Variants in KCND2 observed in about 807,000 individuals in gnomAD.
KCND2 encodes potassium voltage-gated channel subfamily D member 2.
Under a neutral mutation model 54.4 loss-of-function variants are expected in KCND2, and 16 were observed. The observed-to-expected ratio is 0.29, with a 90% confidence interval of 0.20 to 0.45. The LOEUF (loss-of-function observed/expected upper bound fraction) is 0.45, where lower values mean the gene tolerates loss of function less well. Among genes scored for constraint, KCND2 ranks in the 20% least tolerant of loss-of-function variants. The pLI, the probability that KCND2 is intolerant of heterozygous loss-of-function variation, is 1.00. For missense variants in KCND2, 486 were observed against 824.2 expected (o/e 0.59, Z 5.02); for synonymous variants, 317 against 310.7 (o/e 1.02, Z -0.21).
intron 1 of KCND2, among the ~76,000 whole-genome samples, chr7:120,471,612 T>C (rs1014065753): frequency 9.9e-5 from 15 of 152,118 alleles, no homozygotes; most frequent in Non-Finnish European, 1.9e-4. Flanking sequence ...TTGTAGCCTA[T>C]TTAATCTCTC....
At chr7:120,722,676 TAAA>T (rs952960766) in intron 1 of KCND2, among the ~76,000 whole-genome samples, 12 of 152,190 alleles carry the variant, frequency 7.9e-5, no homozygotes, top group African/African-American at 2.9e-4. Context: ...AAATACAACT[TAAA>T]AATGCCATGA....
intron 1 of KCND2, among the ~76,000 whole-genome samples, chr7:120,589,280 G>C (rs1792640799): frequency 6.6e-6 from 1 of 152,100 alleles, no homozygotes. Context: ...CAAATAAATA[G>C]CAGAAGTGAA....
intron 1 of KCND2, among the ~76,000 whole-genome samples, chr7:120,559,627 T>C (rs1792209402): frequency 6.6e-6 from 1 of 152,208 alleles, no homozygotes; most frequent in Non-Finnish European, 1.5e-5. Flanking sequence ...AACAGCAATT[T>C]ATACTCAGGA....
chr7:120,369,482 C>G (rs1800735218), intron 1 of KCND2, among the ~76,000 whole-genome samples: 1 of 152,012 alleles, frequency 6.6e-6, no homozygotes, highest in Non-Finnish European at 1.5e-5. Context: ...TATTAAAGTA[C>G]AGATCTAAAC....
At chr7:120,741,405 G>T in intron 2 of KCND2, 129 bp from the exon 3 acceptor site, 1 of 698,956 alleles carries the variant, frequency 1.4e-6, no homozygotes, top group Non-Finnish European at 2.6e-6. Flanking sequence ...ATTTTCAATA[G>T]TTGCATTTGA....
At chr7:120,700,930 G>A (rs145815724) in intron 1 of KCND2, among the ~76,000 whole-genome samples, 2 of 152,244 alleles carry the variant, frequency 1.3e-5, no homozygotes, top group African/African-American at 4.8e-5. Context: ...AAGGGAAGTA[G>A]ACAGCTGATG....
Position 120,650,733 on chromosome 7 carries a change from C to T in KCND2, c.1116-82170C>T, listed in dbSNP as rs569798038. 8.4e-5 allele frequency among the ~76,000 whole-genome samples: 12 copies of T among 143,438 alleles called. 1 individual carries two copies. Among genetic ancestry groups the T allele is most frequent in the East Asian group, 3.9e-4 (2 of 5,162 alleles). 94.1% of individuals were successfully genotyped at this position (143,438 alleles called of 152,430 possible). A position where few individuals can be genotyped will look rare whatever the true frequency, so the allele number is the denominator to read the frequency against. On this transcript the variant is annotated intron_variant, in intron 1 of 5. Coordinates refer to ENST00000331113, the MANE Select transcript of KCND2 (RefSeq NM_012281.3). ...CAGCTTTTCTGCTCTTTTTGTTCCC[C>T]GTTTTTGTGGTTTTATCTACCTTTG...
chr7:120,537,313 C>A (rs777838485), intron 1 of KCND2, among the ~76,000 whole-genome samples: 12 of 152,146 alleles, frequency 7.9e-5, no homozygotes, highest in Non-Finnish European at 1.2e-4. Context: ...TTAAAATATT[C>A]AGTAAACCAT....
chr7:120,532,882 A>G (rs531360232), intron 1 of KCND2, among the ~76,000 whole-genome samples: 1 of 152,162 alleles, frequency 6.6e-6, no homozygotes, highest in Non-Finnish European at 1.5e-5. Flanking sequence ...ATAAGCCGCT[A>G]TGTAGTCATA....
intron 1 of KCND2, among the ~76,000 whole-genome samples, chr7:120,463,849 T>G (rs939474041): frequency 6.6e-6 from 1 of 151,990 alleles, no homozygotes; most frequent in Non-Finnish European, 1.5e-5. Context: ...ACTGTGCATG[T>G]TTATTATTGA....
chr7:120,460,659 C>T (rs530527456), intron 1 of KCND2, among the ~76,000 whole-genome samples: 3 of 147,744 alleles, frequency 2.0e-5, no homozygotes, highest in East Asian at 2.0e-4. Flanking sequence ...AGGTAAGTTA[C>T]GAAAAGAGAT....
At chr7:120,611,185 AT>A (rs1416045039) in intron 1 of KCND2, among the ~76,000 whole-genome samples, 1 of 152,218 alleles carries the variant, frequency 6.6e-6, no homozygotes, top group African/African-American at 2.4e-5. Context: ...TCTATGCTTT[AT>A]TTAATTAACT....
At chr7:120,673,598 C>T (rs1313107081) in intron 1 of KCND2, among the ~76,000 whole-genome samples, 1 of 152,124 alleles carries the variant, frequency 6.6e-6, no homozygotes, top group Admixed American at 6.5e-5. Flanking sequence ...GTATCAACCT[C>T]CTTGCTGGTT....
At chr7:120,360,634 T>G (rs2116399640) in intron 1 of KCND2, among the ~76,000 whole-genome samples, 1 of 152,192 alleles carries the variant, frequency 6.6e-6, no homozygotes, top group Non-Finnish European at 1.5e-5. Flanking sequence ...CTGATTTAGA[T>G]AATTTGGGAC....
At chr7:120,288,949 T>G (rs1390714986) in intron 1 of KCND2, among the ~76,000 whole-genome samples, 1 of 151,362 alleles carries the variant, frequency 6.6e-6, no homozygotes, top group East Asian at 1.9e-4. Context: ...TAGAGAAGAG[T>G]CTTATCAACT....
intron 1 of KCND2, among the ~76,000 whole-genome samples, chr7:120,472,882 G>A (rs1802479369): frequency 6.6e-6 from 1 of 152,220 alleles, no homozygotes; most frequent in South Asian, 2.1e-4. Flanking sequence ...GAAATCCACA[G>A]CAGGAGAAAA....
At chr7:120,328,755 A>G (rs1379343791) in intron 1 of KCND2, among the ~76,000 whole-genome samples, 1 of 152,136 alleles carries the variant, frequency 6.6e-6, no homozygotes, top group African/African-American at 2.4e-5. Flanking sequence ...TTCTGAGCTC[A>G]TGTATAAGAA....
At chr7:120,629,474 A>G (rs912354911) in intron 1 of KCND2, among the ~76,000 whole-genome samples, 3 of 151,990 alleles carry the variant, frequency 2.0e-5, no homozygotes, top group Non-Finnish European at 4.4e-5. Context: ...CGACAGAGCG[A>G]GACTCCGTCT....
intron 1 of KCND2, among the ~76,000 whole-genome samples, chr7:120,561,144 A>C (rs974761485): frequency 6.6e-6 from 1 of 152,234 alleles, no homozygotes; most frequent in Admixed American, 6.5e-5. Context: ...CCTTTTCAGA[A>C]CCAGATTTTA....
Sources: gnomAD v4.1 joint callset for allele counts (sites outside exome capture counted in the v4.1 genomes callset) on GRCh38, gnomAD v4.1.1 for gene constraint, MANE v1.5 for transcripts, NCBI Gene and HGNC (gene_info 2026-07-23, HGNC 2026-07-21) for gene names.